SLC25A19: variants seen among roughly 807,000 people sequenced by gnomAD.
SLC25A19 encodes the protein mitochondrial thiamine pyrophosphate carrier.
In SLC25A19, 18 loss-of-function variants were observed where a neutral mutation model predicts 27.9. The observed-to-expected ratio is 0.64, with a 90% CI of 0.45 to 0.96. The LOEUF (loss-of-function observed/expected upper bound fraction) is 0.96. SLC25A19 is among the 40% of genes least tolerant of loss of function. The pLI, the probability that SLC25A19 is intolerant of heterozygous loss-of-function variation, is 0.00. For synonymous variants in SLC25A19, 169 were observed against 167.1 expected (o/e 1.01, Z -0.09); for missense variants, 371 against 418.3 (o/e 0.89, Z 0.99).
chr17:75,281,357 C>T (rs866292168), intron 5 of SLC25A19, among the ~76,000 whole-genome samples: 2 of 152,094 alleles, frequency 1.3e-5, no homozygotes, highest in African/African-American at 4.8e-5. Context: ...AATTCTTCCT[C>T]GAGTCTATCC....
At position 75,273,340 on chromosome 17, in the gene SLC25A19, C is replaced by T. The variant is rs2077776020; in HGVS notation, c.*111G>A. ...GGGTGGGTTCAAGGCTGCTACCCCGCTTGGGGCAGCTGGCCTGCAGGGAAG... is the reference window on the plus strand; with the variant it reads ...GGGTGGGTTCAAGGCTGCTACCCCGTTTGGGGCAGCTGGCCTGCAGGGAAG... On this transcript the variant is annotated 3_prime_UTR_variant, in exon 8 of 8. Coordinates refer to ENST00000416858, the MANE Select transcript of SLC25A19 (RefSeq NM_001126121.2). 2.4e-6 allele frequency: 3 copies of T among 1,275,180 alleles called. No individual in the cohort carries two copies. The highest frequency in any genetic ancestry group is 3.3e-6 in the Non-Finnish European group (3 of 910,934). 79.0% of individuals were successfully genotyped at this position (1,275,180 alleles called of 1,614,324 possible). A position where few individuals can be genotyped will look rare whatever the true frequency, so the allele number is the denominator to read the frequency against.
rs1400865952 is a variant in SLC25A19, at chr17:75,276,735, C to T, written c.774+618G>A. On this transcript the variant is annotated intron_variant, in intron 7 of 7. Coordinates refer to ENST00000416858, the MANE Select transcript of SLC25A19 (RefSeq NM_001126121.2). ...TGTTGCCCAGGCTGGAGTGCAGTGGCGCAATCTCAGCTCACTGCAAACTCC... is the reference window on the plus strand; with the variant it reads ...TGTTGCCCAGGCTGGAGTGCAGTGGTGCAATCTCAGCTCACTGCAAACTCC... Among the ~76,000 whole-genome samples, 10 of 144,158 alleles carry T rather than the reference C, an allele frequency of 6.9e-5. 1 individual carries two copies. The East Asian group carries it at 1.3e-3, about 18-fold the overall frequency. 94.6% of individuals were successfully genotyped at this position (144,158 alleles called of 152,430 possible).
intron 7 of SLC25A19, among the ~76,000 whole-genome samples, chr17:75,275,324 A>C (rs1034839520): frequency 1.3e-5 from 2 of 151,922 alleles, no homozygotes; most frequent in Non-Finnish European, 2.9e-5. Flanking sequence ...TAAATTTTCT[A>C]AAGTTTCCTA....
chr17:75,275,567 G>A (rs905099839), intron 7 of SLC25A19, among the ~76,000 whole-genome samples: 6 of 152,134 alleles, frequency 3.9e-5, no homozygotes, highest in African/African-American at 1.4e-4. Context: ...AAGGGAGTAT[G>A]TAAAAATCTG....
intron 4 of SLC25A19, among the ~76,000 whole-genome samples, chr17:75,284,975 G>C (rs1486678641): frequency 6.6e-6 from 1 of 152,116 alleles, no homozygotes; most frequent in African/African-American, 2.4e-5. Context: ...GTCGTGCTCA[G>C]TTGCCCAGGC....
intron 4 of SLC25A19, among the ~76,000 whole-genome samples, chr17:75,285,788 G>A (rs1316863912): frequency 1.3e-5 from 2 of 152,216 alleles, no homozygotes; most frequent in African/African-American, 4.8e-5. Flanking sequence ...TACAGGGCTG[G>A]TTCTTAAACA....
At chr17:75,286,608 T>A in intron 3 of SLC25A19, 25 bp downstream of exon 3, 1 of 1,614,086 alleles carries the variant, frequency 6.2e-7, no homozygotes, top group Non-Finnish European at 8.5e-7. Flanking sequence ...CTCCAGTCCA[T>A]TGCATGGAAA....
At chr17:75,285,094 G>C (rs2078151148) in intron 4 of SLC25A19, among the ~76,000 whole-genome samples, 1 of 151,638 alleles carries the variant, frequency 6.6e-6, no homozygotes, top group Admixed American at 6.6e-5. Context: ...CACCATATCT[G>C]GCTAATTTAT....
chr17:75,277,270 TG>T (rs2077913687), intron 7 of SLC25A19, 82 bp downstream of exon 7: 1 of 1,569,048 alleles, frequency 6.4e-7, no homozygotes, highest in African/African-American at 1.4e-5. Context: ...TGTTGCCCAA[TG>T]GGTAGGAGGT....
Position 75,279,753 on chromosome 17 carries a change from C to T in SLC25A19, c.460-1418G>A, listed in dbSNP as rs1294133316. The stretch of plus-strand genomic sequence containing the variant: ...CGATCTCCTGACCTTGTGATCCGCC[C>T]GCCTTGGCCTCCCAAAGTGCTGGGA... On this transcript the variant is annotated intron_variant, in intron 5 of 7. Coordinates refer to ENST00000416858, the MANE Select transcript of SLC25A19 (RefSeq NM_001126121.2). Among the ~76,000 whole-genome samples, 7 of 152,106 alleles carry T rather than the reference C, an allele frequency of 4.6e-5. No homozygotes were observed. The South Asian group carries it at 8.3e-4, about 18-fold the overall frequency.
At chr17:75,278,432 A>T in intron 5 of SLC25A19, 97 bp from the exon 6 acceptor site, 1 of 1,380,500 alleles carries the variant, frequency 7.2e-7, no homozygotes, top group Non-Finnish European at 1.0e-6. Flanking sequence ...AATACCAGCT[A>T]CCAGGAGCGA....
intron 5 of SLC25A19, among the ~76,000 whole-genome samples, chr17:75,282,631 G>A (rs145280085): frequency 0.02 from 3,081 of 152,104 alleles, 114 homozygotes; most frequent in African/African-American, 0.069. Context: ...CGAGGCAGGC[G>A]GATCACGAGG....
intron 6 of SLC25A19, 79 bp from the exon 7 acceptor site, chr17:75,277,562 TAATCCTCCACCAC>T (rs2077923105): frequency 2.6e-6 from 4 of 1,556,878 alleles, no homozygotes; most frequent in East Asian, 2.3e-5. Flanking sequence ...GCGTCAGGGC[TAATCCTCCACCAC>T]AAACCAAACC....
At chr17:75,286,834 G>A (rs2078195383) in intron 2 of SLC25A19, 32 bp from the exon 3 acceptor site, 1 of 1,599,292 alleles carries the variant, frequency 6.3e-7, no homozygotes, top group Admixed American at 1.7e-5. Flanking sequence ...TAAACACCAG[G>A]CAAGTTTCTT....
chr17:75,289,370 G>C lies in SLC25A19; in HGVS notation c.-145C>G, dbSNP rs535051477. On this transcript the variant is annotated 5_prime_UTR_variant, in exon 1 of 8. Coordinates refer to ENST00000416858, the MANE Select transcript of SLC25A19 (RefSeq NM_001126121.2). ...GTTACTCACACGGCTCGGCGGGTGC[G>C]GCCCGGCTCAGCGCTCTCCGCTCTC... 6.6e-6 allele frequency: 1 copy of C among 151,624 alleles called. No individual in the cohort carries two copies. Among genetic ancestry groups the C allele is most frequent in the African/African-American group, 2.5e-5 (1 of 40,778 alleles). 9.4% of individuals were successfully genotyped at this position (151,624 alleles called of 1,614,324 possible). A position where few individuals can be genotyped will look rare whatever the true frequency, so the allele number is the denominator to read the frequency against.
chr17:75,283,567 C>T lies in SLC25A19; in HGVS notation c.315G>A (p.Glu105=). The T allele has an allele frequency of 6.2e-7, 1 of 1,613,634 alleles. No homozygotes were observed. The highest frequency in any genetic ancestry group is 8.5e-7 in the Non-Finnish European group (1 of 1,179,794). ...VQFLSFEMLT[E]LVHRGSVYDA... ...CATACACGCTGCCTCTGTGGACCAG[C>T]TCCGTCAGCATTTCAAATGACAAGA... is the stretch of plus-strand genomic sequence containing the variant. Residue 105 remains glutamate, a synonymous_variant, in exon 5 of 8, where the codon GAG becomes GAA. Coordinates refer to ENST00000416858, the MANE Select transcript of SLC25A19 (RefSeq NM_001126121.2).
At chr17:75,273,746 A>C in intron 7 of SLC25A19, 107 bp from the exon 8 acceptor site, 4 of 1,111,166 alleles carry the variant, frequency 3.6e-6, no homozygotes, top group Admixed American at 3.8e-5. Flanking sequence ...AAAGAAATGA[A>C]TGCAAAATAG....
At chr17:75,284,094 G>A (rs992279543) in intron 4 of SLC25A19, among the ~76,000 whole-genome samples, 3 of 150,996 alleles carry the variant, frequency 2.0e-5, no homozygotes, top group East Asian at 2.0e-4. Context: ...CAGCCCGGGC[G>A]ACAGAGCAAG....
At chr17:75,278,036 A>G in intron 6 of SLC25A19, 116 bp downstream of exon 6, 1 of 1,118,408 alleles carries the variant, frequency 8.9e-7, no homozygotes, top group Non-Finnish European at 1.3e-6. Flanking sequence ...AGAGCCAGGT[A>G]CAGAGACCCG....
Sources: gnomAD v4.1 joint callset for allele counts (sites outside exome capture counted in the v4.1 genomes callset) on GRCh38, gnomAD v4.1.1 for gene constraint, MANE v1.5 for transcripts, NCBI Gene and HGNC (gene_info 2026-07-23, HGNC 2026-07-21) for gene names.